The following TBC1D4 variants were observed in gnomAD, a reference collection of about 807,000 sequenced individuals.
The protein encoded by TBC1D4 is TBC (Tre-2, BUB2, CDC16) domain-containing protein.
A neutral mutation model predicts 142.5 loss-of-function variants in TBC1D4; 121 were observed. The observed-to-expected ratio is 0.85, with a 90% CI of 0.73 to 0.99. TBC1D4 has a LOEUF of 0.99. Among genes scored for constraint, TBC1D4 ranks in the 50% least tolerant of loss-of-function variants. The pLI, the probability that TBC1D4 is intolerant of heterozygous loss-of-function variation, is 0.00. For synonymous variants in TBC1D4, 630 were observed against 628.2 expected, an observed-to-expected ratio of 1.00 and a Z score of -0.04; for missense variants, 1,475 against 1,606.6, an observed-to-expected ratio of 0.92 and a Z score of 1.40.
intron 1 of TBC1D4, among the ~76,000 whole-genome samples, chr13:75,435,333 A>AG (rs1422798150): frequency 1.3e-5 from 2 of 151,548 alleles, no homozygotes; most frequent in African/African-American, 4.9e-5. Context: ...GTCTCAAAAA[A>AG]AAAAAAATAC....
intron 1 of TBC1D4, among the ~76,000 whole-genome samples, chr13:75,397,891 T>C (rs1215566843): frequency 6.6e-6 from 1 of 152,222 alleles, no homozygotes. Context: ...ATAGAAGCAA[T>C]TAAATGAACA....
At chr13:75,339,336 A>C (rs1318227656) in intron 7 of TBC1D4, among the ~76,000 whole-genome samples, 1 of 152,070 alleles carries the variant, frequency 6.6e-6, no homozygotes, top group Non-Finnish European at 1.5e-5. Context: ...AAATAAATCT[A>C]CCATCAGAAG....
intron 7 of TBC1D4, among the ~76,000 whole-genome samples, chr13:75,339,339 A>G (rs1880483806): frequency 1.3e-5 from 2 of 152,116 alleles, no homozygotes; most frequent in Non-Finnish European, 1.5e-5. Flanking sequence ...TAAATCTACC[A>G]TCAGAAGAAC....
chr13:75,323,896 AG>A (rs1346847955), intron 11 of TBC1D4, among the ~76,000 whole-genome samples: 1 of 152,172 alleles, frequency 6.6e-6, no homozygotes, highest in Non-Finnish European at 1.5e-5. Context: ...GGAAAAAAAA[AG>A]GCACAATCAG....
chr13:75,314,258 G>C (rs1878062582), intron 12 of TBC1D4, among the ~76,000 whole-genome samples: 1 of 152,090 alleles, frequency 6.6e-6, no homozygotes, highest in African/African-American at 2.4e-5. Context: ...AATATTTACA[G>C]GTGATGATAC....
In TBC1D4 at chr13:75,310,066, C is replaced by T. The variant is rs2137928147; in HGVS notation, c.2469G>A (p.Gly823=). The T allele has an allele frequency of 6.2e-7, 1 of 1,614,022 alleles. No homozygotes were observed. The highest frequency in any genetic ancestry group is 2.2e-5 in the East Asian group (1 of 44,880). ...CTTCAATCTTTTCTGGGTCATCCTC[C>T]CCAGACAGGAATACAACCAGCGGTT... ...EEEPLVVFLS[G]EDDPEKIEER... is the part of the protein sequence containing the mutation. Residue 823 remains glycine (G), a synonymous_variant, in exon 14 of 21, where the codon GGG becomes GGA. Coordinates refer to ENST00000377636, the MANE Select transcript of TBC1D4 (RefSeq NM_014832.5).
intron 1 of TBC1D4, among the ~76,000 whole-genome samples, chr13:75,412,267 A>T (rs1293828772): frequency 5.3e-5 from 8 of 151,962 alleles, no homozygotes; most frequent in African/African-American, 1.7e-4. Flanking sequence ...GGCCTAAAAG[A>T]CGTGGGGTTT....
intron 4 of TBC1D4, among the ~76,000 whole-genome samples, chr13:75,355,587 T>G (rs1881977612): frequency 1.3e-5 from 2 of 152,042 alleles, no homozygotes; most frequent in Admixed American, 1.3e-4. Flanking sequence ...ACATAATGCC[T>G]TGAACTCCAA....
At chr13:75,432,474 G>T (rs1365655310) in intron 1 of TBC1D4, among the ~76,000 whole-genome samples, 1 of 152,092 alleles carries the variant, frequency 6.6e-6, no homozygotes, top group African/African-American at 2.4e-5. Context: ...ATCATGGGTC[G>T]GGTGGAGAGA....
intron 13 of TBC1D4, among the ~76,000 whole-genome samples, chr13:75,312,416 GA>G (rs762306467): frequency 7.2e-5 from 9 of 125,744 alleles, no homozygotes; most frequent in African/African-American, 2.0e-4. Flanking sequence ...CAATCTCTGG[GA>G]AAAAAAAAAA....
intron 1 of TBC1D4, among the ~76,000 whole-genome samples, chr13:75,440,612 G>A (rs1886997675): frequency 6.6e-6 from 1 of 151,832 alleles, no homozygotes; most frequent in Non-Finnish European, 1.5e-5. Context: ...GGCATGCAGT[G>A]GTGTGATAAT....
At position 75,362,628 on chromosome 13, in the gene TBC1D4, C is replaced by G. The variant is rs762004714; in HGVS notation, c.499-21G>C. ...GGAACCTGGGGGAAAAAATTAAAAC[C>G]CTGATTCTAGTTGAAAGTTTTGAGA... On this transcript the variant is annotated intron_variant, in intron 1 of 20. Transcript: ENST00000377636. The surrounding 1 kb of genome is among the most constrained non-coding windows in gnomAD (Gnocchi z 4.2). 7.4e-6 allele frequency: 12 copies of G among 1,612,844 alleles called. No individual in the cohort carries two copies. The South Asian group carries it at 7.7e-5, about 10-fold the overall frequency.
At chr13:75,341,305 C>G in intron 6 of TBC1D4, 70 bp from the exon 7 acceptor site, 1 of 1,474,308 alleles carries the variant, frequency 6.8e-7, no homozygotes, top group South Asian at 1.1e-5. Flanking sequence ...GTCGGGCAGA[C>G]AAACGTAAAT....
intron 1 of TBC1D4, among the ~76,000 whole-genome samples, chr13:75,366,614 T>C (rs1255693170): frequency 6.6e-6 from 1 of 152,028 alleles, no homozygotes; most frequent in Admixed American, 6.6e-5. Flanking sequence ...ACACCTTCAG[T>C]GACCTCACTA....
chr13:75,315,245 T>C (rs1414600556), intron 12 of TBC1D4, among the ~76,000 whole-genome samples: 1 of 151,420 alleles, frequency 6.6e-6, no homozygotes, highest in Non-Finnish European at 1.5e-5. Context: ...GAGGCAAAGG[T>C]TGCAGTGAGC....
At chr13:75,429,066 G>A (rs930659115) in intron 1 of TBC1D4, among the ~76,000 whole-genome samples, 1 of 152,166 alleles carries the variant, frequency 6.6e-6, no homozygotes, top group African/African-American at 2.4e-5. Flanking sequence ...ACACAGAGTC[G>A]CAAGTGGTGG....
intron 10 of TBC1D4, 147 bp downstream of exon 10, chr13:75,326,050 A>G: frequency 3.3e-6 from 3 of 903,058 alleles, no homozygotes; most frequent in Non-Finnish European, 5.3e-6. Flanking sequence ...TTCGCCTAGT[A>G]AATGAGGTAA....
chr13:75,454,973 C>A (rs553489530), intron 1 of TBC1D4, among the ~76,000 whole-genome samples: 2 of 152,298 alleles, frequency 1.3e-5, no homozygotes, highest in Admixed American at 1.3e-4. Context: ...AAAATGTAAA[C>A]ATGAATATAT....
chr13:75,311,861 A>T (rs928769265), intron 13 of TBC1D4, among the ~76,000 whole-genome samples: 2 of 152,216 alleles, frequency 1.3e-5, no homozygotes, highest in African/African-American at 4.8e-5. Flanking sequence ...AAGTGTGCTA[A>T]AAATGAATGA....
Sources: gnomAD v4.1 joint callset for allele counts (sites outside exome capture counted in the v4.1 genomes callset) on GRCh38, gnomAD v4.1.1 for gene constraint, Gnocchi (gnomAD v3.1) non-coding constraint, MANE v1.5 for transcripts, NCBI Gene and HGNC (gene_info 2026-07-23, HGNC 2026-07-21) for gene names.